The following ACOT12 variants were observed in gnomAD, a reference collection of about 807,000 sequenced individuals.
ACOT12 encodes acetyl-coenzyme A thioesterase.
ACOT12 carries 51 observed loss-of-function variants against 67.7 expected under a neutral mutation model. The ratio of observed to expected loss-of-function variants is 0.75; its 90% CI spans 0.60 to 0.95. ACOT12 has a LOEUF of 0.95. Ranked by LOEUF, ACOT12 falls within the 40% of genes least tolerant of loss-of-function variation. The pLI is 0.00. For synonymous variants in ACOT12, 251 were observed against 244.6 expected (o/e 1.03, Z -0.24); for missense variants, 734 against 708.1 (o/e 1.04, Z -0.41).
At chr5:81,330,723 G>A in intron 14 of ACOT12, 91 bp downstream of exon 14, 1 of 1,552,474 alleles carries the variant, frequency 6.4e-7, no homozygotes, top group Non-Finnish European at 8.7e-7. Context: ...CAAATTACAA[G>A]ATTACAATTA....
intron 2 of ACOT12, among the ~76,000 whole-genome samples, chr5:81,381,432 A>G (rs944473316): frequency 1.3e-5 from 2 of 152,182 alleles, no homozygotes; most frequent in Admixed American, 6.5e-5. Flanking sequence ...ACATAACTGC[A>G]TATTGGTATG....
At chr5:81,325,227 T>C (rs1758646372), downstream of ACOT12, among the ~76,000 whole-genome samples, 1 of 152,160 alleles carries the variant, frequency 6.6e-6, no homozygotes, top group Admixed American at 6.5e-5. Context: ...ATTTTCTCAA[T>C]GAATATTTTT....
chr5:81,343,112 G>A (rs886451181), intron 10 of ACOT12, among the ~76,000 whole-genome samples: 3 of 151,912 alleles, frequency 2.0e-5, no homozygotes, highest in South Asian at 2.1e-4. Context: ...ACCCGCCACC[G>A]GGAGGCGGAG....
intron 11 of ACOT12, among the ~76,000 whole-genome samples, chr5:81,342,208 A>G (rs1236695690): frequency 1.3e-5 from 2 of 152,132 alleles, no homozygotes; most frequent in Non-Finnish European, 2.9e-5. Flanking sequence ...CTGGGCTGGT[A>G]TCAAACTCCT....
chr5:81,339,603 T>A (rs1759124347), intron 11 of ACOT12, among the ~76,000 whole-genome samples: 1 of 152,220 alleles, frequency 6.6e-6, no homozygotes, highest in African/African-American at 2.4e-5. Context: ...GTTCTCCCTA[T>A]ATAACTGTCT....
rs1021132901 is a variant in ACOT12, at chr5:81,330,147, A to G, written c.*247T>C. On this transcript the variant is annotated 3_prime_UTR_variant, in exon 15 of 15. Transcript: ENST00000307624. ...TAGTACTGCATACAGGCAATTTTCC[A>G]CTATCTGTGCCCCTGGAAGAGGCAG... 5 of 370,534 alleles carry G rather than the reference A, an allele frequency of 1.3e-5. No homozygotes were observed. The highest frequency in any genetic ancestry group is 1.0e-4 in the African/African-American group (5 of 49,458). 23.0% of individuals were successfully genotyped at this position (370,534 alleles called of 1,614,324 possible).
chr5:81,382,904 T>C (rs1251335809), intron 2 of ACOT12, among the ~76,000 whole-genome samples: 1 of 152,012 alleles, frequency 6.6e-6, no homozygotes, highest in Non-Finnish European at 1.5e-5. Flanking sequence ...GTCAAGACTT[T>C]CCTGAACAAA....
chr5:81,368,918 A>C lies in ACOT12; in HGVS notation c.258+2832T>G, dbSNP rs912447267. 3.9e-5 allele frequency among the ~76,000 whole-genome samples: 6 copies of C among 152,024 alleles called. No individual in the cohort carries two copies. In the South Asian group the frequency reaches 1.2e-3, roughly 31 times the overall value. The stretch of plus-strand genomic sequence containing the variant: ...AGTAAAGGGCAAAAAAGAAAAAAAA[A>C]AGGGTACTGACCTGAAGTAAATGAG... On this transcript the variant is annotated intron_variant, in intron 3 of 14. Coordinates refer to ENST00000307624, the MANE Select transcript of ACOT12 (RefSeq NM_130767.3).
intron 12 of ACOT12, among the ~76,000 whole-genome samples, chr5:81,334,427 A>G (rs1758931992): frequency 6.6e-6 from 1 of 152,162 alleles, no homozygotes; most frequent in South Asian, 2.1e-4. Flanking sequence ...GACTTAAGCG[A>G]CTTAAGCGTC....
intron 5 of ACOT12, among the ~76,000 whole-genome samples, chr5:81,353,583 A>C (rs1028940514): frequency 6.6e-6 from 1 of 152,230 alleles, no homozygotes; most frequent in Non-Finnish European, 1.5e-5. Flanking sequence ...TGATTTTCTT[A>C]CTCAAAAATT....
At chr5:81,364,452 G>A (rs1261831338) in intron 3 of ACOT12, among the ~76,000 whole-genome samples, 2 of 150,452 alleles carry the variant, frequency 1.3e-5, no homozygotes, top group Non-Finnish European at 1.5e-5. Context: ...GTTTTGAGAC[G>A]GAGTCTTGCT....
downstream of ACOT12, chr5:81,329,883 A>C (rs1267281822): frequency 1.3e-5 from 2 of 152,206 alleles, no homozygotes; most frequent in Non-Finnish European, 2.9e-5. Flanking sequence ...ATTATGTTTT[A>C]ATGTCTCCCT....
intron 5 of ACOT12, among the ~76,000 whole-genome samples, chr5:81,348,764 A>G (rs141484068): frequency 0.028 from 4,226 of 152,126 alleles, 193 homozygotes; most frequent in African/African-American, 0.095. Flanking sequence ...GGTTTTCACC[A>G]TGTTGGCCAG....
At chr5:81,383,974 G>T (rs2153859395) in intron 2 of ACOT12, among the ~76,000 whole-genome samples, 1 of 152,114 alleles carries the variant, frequency 6.6e-6, no homozygotes, top group East Asian at 1.9e-4. Context: ...GCCTAAGTGT[G>T]TGGTATTTAT....
chr5:81,336,430 T>C (rs554553139), intron 11 of ACOT12, among the ~76,000 whole-genome samples: 2 of 152,248 alleles, frequency 1.3e-5, no homozygotes, highest in African/African-American at 4.8e-5. Context: ...TGGAGCACCA[T>C]ATTTCCTCAG....
At chr5:81,368,331 C>T (rs1047718279) in intron 3 of ACOT12, among the ~76,000 whole-genome samples, 2 of 152,002 alleles carry the variant, frequency 1.3e-5, no homozygotes, top group African/African-American at 4.8e-5. Context: ...ACTTGAACAA[C>T]ACTGTGAACC....
chr5:81,330,991 A>G (rs956722001), intron 13 of ACOT12, 51 bp from the exon 14 acceptor site: 4 of 1,517,930 alleles, frequency 2.6e-6, no homozygotes, highest in African/African-American at 1.4e-5. Context: ...AATAGTTGTT[A>G]GAAAATAAAT....
the ACOT12 span, chr5:81,308,847 A>G: frequency 7.3e-7 from 1 of 1,377,940 alleles, no homozygotes; most frequent in East Asian, 2.5e-5. Context: ...ATTTTAAGTT[A>G]TGTAAATATA....
chr5:81,354,362 C>T (rs954499006), intron 5 of ACOT12, among the ~76,000 whole-genome samples: 2 of 152,190 alleles, frequency 1.3e-5, no homozygotes, highest in African/African-American at 4.8e-5. Context: ...AGACTATCTC[C>T]AGTATTCAAA....
Sources: allele counts gnomAD v4.1 joint callset (sites outside exome capture counted in the v4.1 genomes callset), GRCh38; gene constraint gnomAD v4.1.1; transcripts MANE v1.5; gene names NCBI Gene and HGNC (gene_info 2026-07-23, HGNC 2026-07-21).